Variants in GPC5 observed in about 807,000 individuals in gnomAD.
GPC5 encodes the protein glypican-5.
A neutral mutation model predicts 53.9 loss-of-function variants in GPC5; 47 were observed. The ratio of observed to expected loss-of-function variants is 0.87; its 90% CI spans 0.69 to 1.11. The LOEUF (loss-of-function observed/expected upper bound fraction) is 1.11. Ranked by LOEUF, GPC5 falls within the 50% of genes most tolerant of loss-of-function variation. The pLI is 0.00. For missense variants in GPC5, 748 were observed against 713.1 expected (o/e 1.05, Z -0.56); for synonymous variants, 286 against 263.3 (o/e 1.09, Z -0.84).
At chr13:92,775,178 A>T (rs1237490465) in intron 7 of GPC5, among the ~76,000 whole-genome samples, 1 of 152,210 alleles carries the variant, frequency 6.6e-6, no homozygotes, top group Non-Finnish European at 1.5e-5. Flanking sequence ...ATACAAACAA[A>T]ACAGAGCTCT....
At chr13:91,696,246 A>G (rs1332782215) in intron 3 of GPC5, among the ~76,000 whole-genome samples, 1 of 152,198 alleles carries the variant, frequency 6.6e-6, no homozygotes, top group Admixed American at 6.5e-5. Context: ...AACTTTTATC[A>G]TGTAAAACTC....
intron 7 of GPC5, among the ~76,000 whole-genome samples, chr13:92,466,225 T>G: frequency 6.6e-6 from 1 of 152,074 alleles, no homozygotes. Flanking sequence ...AGTATTTTTG[T>G]CTGCTAGAAT....
chr13:92,165,103 C>A (rs1367630806), intron 7 of GPC5, among the ~76,000 whole-genome samples: 2 of 152,208 alleles, frequency 1.3e-5, no homozygotes, highest in Admixed American at 1.3e-4. Context: ...GTGAAAGTTT[C>A]TGACATGCCC....
intron 7 of GPC5, among the ~76,000 whole-genome samples, chr13:92,646,886 A>G (rs1013919331): frequency 6.6e-6 from 1 of 151,682 alleles, no homozygotes; most frequent in Admixed American, 6.6e-5. Flanking sequence ...ATCTGTAAAC[A>G]TATATGTAAA....
intron 5 of GPC5, among the ~76,000 whole-genome samples, chr13:91,884,017 C>A (rs769000654): frequency 1.3e-5 from 2 of 152,072 alleles, no homozygotes; most frequent in Non-Finnish European, 2.9e-5. Flanking sequence ...TATCAGTGAT[C>A]ATTAAAGAAA....
intron 6 of GPC5, among the ~76,000 whole-genome samples, chr13:92,030,133 G>C (rs1206821405): frequency 6.6e-6 from 1 of 152,156 alleles, no homozygotes; most frequent in African/African-American, 2.4e-5. Flanking sequence ...ATATTGAACA[G>C]AAAGAAAAGA....
In GPC5 at chr13:92,237,837, A is replaced by G. The variant is rs188581090; in HGVS notation, c.1561+92848A>G. On this transcript the variant is annotated intron_variant, in intron 7 of 7. Coordinates refer to ENST00000377067, the MANE Select transcript of GPC5 (RefSeq NM_004466.6). ...AACAGTATCTCTCCACCTCATTCCCAGTACTAGGCAACCACTAATCTACTT... is the reference window on the plus strand; with the variant it reads ...AACAGTATCTCTCCACCTCATTCCCGGTACTAGGCAACCACTAATCTACTT... Among the ~76,000 whole-genome samples the G allele has an allele frequency of 8.0e-4, 122 of 152,238 alleles. 4 individuals are homozygous for G. The Middle Eastern group carries it at 0.014, about 17-fold the overall frequency.
intron 6 of GPC5, among the ~76,000 whole-genome samples, chr13:92,136,362 T>C (rs980456788): frequency 1.3e-5 from 2 of 150,964 alleles, no homozygotes; most frequent in Non-Finnish European, 3.0e-5. Context: ...TATATATCCA[T>C]AATTTTTTAT....
chr13:92,398,428 C>CAAAAAAAAAAAAAAAAAA (rs35873316), intron 7 of GPC5, among the ~76,000 whole-genome samples: 19 of 87,640 alleles, frequency 2.2e-4, no homozygotes, highest in African/African-American at 7.1e-4. Flanking sequence ...GACTCCGTCT[C>CAAAAAAAAAAAAAAAAAA]AAAAAAAAAA....
intron 2 of GPC5, among the ~76,000 whole-genome samples, chr13:91,685,194 A>G (rs2035596191): frequency 6.6e-6 from 1 of 152,132 alleles, no homozygotes; most frequent in Admixed American, 6.5e-5. Flanking sequence ...GGTCCCAGAT[A>G]CTTGGGAGGC....
At chr13:91,402,767 T>A (rs1877042664) in intron 1 of GPC5, among the ~76,000 whole-genome samples, 1 of 152,270 alleles carries the variant, frequency 6.6e-6, no homozygotes, top group Admixed American at 6.5e-5. Flanking sequence ...TAATTTTAGA[T>A]CTTTATATAT....
At chr13:91,944,709 A>C (rs2039959122) in intron 6 of GPC5, among the ~76,000 whole-genome samples, 1 of 152,154 alleles carries the variant, frequency 6.6e-6, no homozygotes, top group Admixed American at 6.6e-5. Flanking sequence ...TATTTCACCT[A>C]CTCCAAACTA....
intron 7 of GPC5, among the ~76,000 whole-genome samples, chr13:92,620,776 T>C (rs535371726): frequency 1.2e-4 from 19 of 152,242 alleles, no homozygotes; most frequent in African/African-American, 4.6e-4. Context: ...AATGTTACAC[T>C]TTATTGAAGG....
intron 7 of GPC5, among the ~76,000 whole-genome samples, chr13:92,598,537 T>A (rs1166611695): frequency 6.6e-6 from 1 of 152,180 alleles, no homozygotes; most frequent in Admixed American, 6.5e-5. Context: ...TAACCCTTTT[T>A]ATTCTATGTT....
At chr13:91,833,397 C>T (rs2038685787) in intron 5 of GPC5, among the ~76,000 whole-genome samples, 1 of 152,108 alleles carries the variant, frequency 6.6e-6, no homozygotes, top group African/African-American at 2.4e-5. Flanking sequence ...TTTTATGAGG[C>T]CAGCATCATC....
chr13:91,465,582 T>G (rs1477983813), intron 2 of GPC5, among the ~76,000 whole-genome samples: 1 of 152,200 alleles, frequency 6.6e-6, no homozygotes, highest in African/African-American at 2.4e-5. Flanking sequence ...TAATATAGTT[T>G]GAAAAAGATT....
chr13:92,071,971 T>G (rs1009906352), intron 6 of GPC5, among the ~76,000 whole-genome samples: 2 of 146,460 alleles, frequency 1.4e-5, no homozygotes, highest in African/African-American at 2.5e-5. Flanking sequence ...AAATTTTATA[T>G]ACATAAATAT....
intron 5 of GPC5, among the ~76,000 whole-genome samples, chr13:91,792,490 T>A (rs1056017264): frequency 2.0e-5 from 3 of 152,234 alleles, no homozygotes; most frequent in Non-Finnish European, 4.4e-5. Flanking sequence ...TTCATTATAA[T>A]AGAGTGACCA....
chr13:92,264,358 T>G (rs192890631), intron 7 of GPC5, among the ~76,000 whole-genome samples: 1 of 152,152 alleles, frequency 6.6e-6, no homozygotes, highest in East Asian at 1.9e-4. Context: ...AAATAGTTAC[T>G]GGAAATAGGC....
Sources: allele counts gnomAD v4.1 joint callset (sites outside exome capture counted in the v4.1 genomes callset), GRCh38; gene constraint gnomAD v4.1.1; transcripts MANE v1.5; gene names NCBI Gene and HGNC (gene_info 2026-07-23, HGNC 2026-07-21).